Variants in IL1RAPL2 observed in about 807,000 individuals in gnomAD.
IL1RAPL2 encodes the protein interleukin 1 receptor accessory protein like 2.
IL1RAPL2 carries 3 observed loss-of-function variants against 44.1 expected under a neutral mutation model. The ratio of observed to expected loss-of-function variants is 0.07; its 90% CI spans 0.03 to 0.18. The LOEUF is 0.18. Among genes scored for constraint, IL1RAPL2 ranks in the 10% least tolerant of loss-of-function variants. IL1RAPL2 has a pLI of 1.00. For missense variants in IL1RAPL2, 391 were observed against 496.4 expected (o/e 0.79, Z 2.02); for synonymous variants, 181 against 178.8 (o/e 1.01, Z -0.10).
chrX:105,189,086 A>G (rs1220183375), intron 2 of IL1RAPL2, among the ~76,000 whole-genome samples: 1 of 112,378 alleles, frequency 8.9e-6, no homozygotes, highest in Non-Finnish European at 1.9e-5. Flanking sequence ...ACAGAAATAG[A>G]AGGCATTCAA....
At chrX:105,481,707 G>T (rs955318092) in intron 5 of IL1RAPL2, among the ~76,000 whole-genome samples, 4 of 112,666 alleles carry the variant, frequency 3.6e-5, no homozygotes, top group Non-Finnish European at 5.6e-5. Context: ...TAATTTGGAT[G>T]TGTAAGGTAA....
chrX:104,673,015 A>G (rs1275598063), intron 2 of IL1RAPL2, among the ~76,000 whole-genome samples: 1 of 111,442 alleles, frequency 9.0e-6, no homozygotes, highest in Admixed American at 9.5e-5. Context: ...TCAGATGAGT[A>G]GGTTGCAAAA....
chrX:105,618,367 A>C (rs745948496), intron 6 of IL1RAPL2, among the ~76,000 whole-genome samples: 1 of 110,194 alleles, frequency 9.1e-6, no homozygotes, highest in East Asian at 2.9e-4. Context: ...CTGTACAACA[A>C]ACCCCCATGA....
chrX:105,478,448 C>G (rs910088350), intron 5 of IL1RAPL2, among the ~76,000 whole-genome samples: 19 of 110,901 alleles, frequency 1.7e-4, no homozygotes, highest in Non-Finnish European at 7.6e-5. Context: ...GCCTGGAGCT[C>G]AAAACTTGTT....
chrX:105,055,354 G>A (rs1182343057), intron 2 of IL1RAPL2, among the ~76,000 whole-genome samples: 1 of 111,739 alleles, frequency 8.9e-6, no homozygotes, highest in Non-Finnish European at 1.9e-5. Flanking sequence ...TCAAACTGGG[G>A]ATTAGGTTTC....
intron 2 of IL1RAPL2, among the ~76,000 whole-genome samples, chrX:105,193,424 A>C (rs566359323): frequency 8.9e-6 from 1 of 112,208 alleles, no homozygotes; most frequent in East Asian, 2.8e-4. Context: ...ATTTTCTAAC[A>C]TACTTATATC....
At chrX:104,639,324 T>C (rs1488052759) in intron 1 of IL1RAPL2, among the ~76,000 whole-genome samples, 1 of 111,290 alleles carries the variant, frequency 9.0e-6, no homozygotes, top group Non-Finnish European at 1.9e-5. Flanking sequence ...TCTTTACTGG[T>C]AAGGTGAGTT....
intron 2 of IL1RAPL2, among the ~76,000 whole-genome samples, chrX:105,079,444 C>T (rs1398265360): frequency 2.8e-5 from 3 of 108,692 alleles, no homozygotes; most frequent in Non-Finnish European, 5.7e-5. Flanking sequence ...GATAGACTGG[C>T]CACGTTTTCT....
chrX:105,412,054 C>G (rs1465768819), intron 5 of IL1RAPL2, among the ~76,000 whole-genome samples: 1 of 111,095 alleles, frequency 9.0e-6, no homozygotes, highest in Non-Finnish European at 1.9e-5. Flanking sequence ...TCCTAAGTAA[C>G]CAGTGAGTCA....
At chrX:105,468,968 C>T (rs1481003101) in intron 5 of IL1RAPL2, among the ~76,000 whole-genome samples, 2 of 111,639 alleles carry the variant, frequency 1.8e-5, no homozygotes, top group Non-Finnish European at 3.8e-5. Context: ...TAAAGCTTTT[C>T]ATTCAGGTCC....
chrX:105,440,456 G>T (rs1415366685), intron 5 of IL1RAPL2, among the ~76,000 whole-genome samples: 1 of 111,912 alleles, frequency 8.9e-6, no homozygotes, highest in African/African-American at 3.2e-5. Flanking sequence ...ACAAAAGGAT[G>T]TCATTTAAAG....
rs542672205 is a variant in IL1RAPL2 at position 104,925,669 on chromosome X, C to T, written c.82+266674C>T. On this transcript the variant is annotated intron_variant, in intron 2 of 10. Transcript: ENST00000372582. ...TCAACATCCTTTCATGTTAAAAACT[C>T]TCAATAAACTAGGTATTGAAGGAAC... is the stretch of plus-strand genomic sequence containing the variant. Among the ~76,000 whole-genome samples the T allele has an allele frequency of 6.3e-5, 7 of 111,688 alleles. No individual in the cohort carries two copies. In the South Asian group the frequency reaches 2.6e-3, roughly 41 times the overall value.
chrX:105,527,234 A>G (rs1045924814), intron 6 of IL1RAPL2, among the ~76,000 whole-genome samples: 2 of 111,239 alleles, frequency 1.8e-5, no homozygotes, highest in African/African-American at 6.5e-5. Flanking sequence ...ATAATTTAAA[A>G]TAAGATTGAT....
At chrX:104,816,353 G>T (rs1921133994) in intron 2 of IL1RAPL2, among the ~76,000 whole-genome samples, 1 of 111,852 alleles carries the variant, frequency 8.9e-6, no homozygotes, top group African/African-American at 3.2e-5. Flanking sequence ...ATTGGAGAAA[G>T]AACTCCTGAG....
At chrX:105,297,925 ATGTGT>A (rs2034665877) in intron 5 of IL1RAPL2, among the ~76,000 whole-genome samples, 1 of 111,205 alleles carries the variant, frequency 9.0e-6, no homozygotes, top group African/African-American at 3.3e-5. Flanking sequence ...CATTTTCTCT[ATGTGT>A]GTGTGTTTCT....
chrX:104,600,935 G>A (rs1270180087), intron 1 of IL1RAPL2, among the ~76,000 whole-genome samples: 2 of 111,580 alleles, frequency 1.8e-5, no homozygotes, highest in Non-Finnish European at 3.8e-5. Flanking sequence ...CACTTAGGTT[G>A]ATTCCATGTT....
chrX:104,857,840 T>C (rs1408037675), intron 2 of IL1RAPL2, among the ~76,000 whole-genome samples: 2 of 111,293 alleles, frequency 1.8e-5, no homozygotes, highest in Non-Finnish European at 3.8e-5. Flanking sequence ...AACCTGTTTT[T>C]TGTCCCTATA....
intron 2 of IL1RAPL2, among the ~76,000 whole-genome samples, chrX:104,755,080 A>G (rs1932319976): frequency 9.0e-6 from 1 of 111,518 alleles, no homozygotes; most frequent in African/African-American, 3.2e-5. Context: ...CTAATGTTTG[A>G]TTTTTCCTTC....
intron 2 of IL1RAPL2, among the ~76,000 whole-genome samples, chrX:104,809,021 G>A (rs1449535906): frequency 9.0e-6 from 1 of 111,654 alleles, no homozygotes; most frequent in Non-Finnish European, 1.9e-5. Context: ...GATATAAATT[G>A]CCTAGGGCTT....
Sources: gnomAD v4.1 joint callset for allele counts (sites outside exome capture counted in the v4.1 genomes callset) on GRCh38, gnomAD v4.1.1 for gene constraint, MANE v1.5 for transcripts, NCBI Gene and HGNC (gene_info 2026-07-23, HGNC 2026-07-21) for gene names.